Variants in PLCB1 observed in about 807,000 individuals in gnomAD.
PLCB1 encodes 1-phosphatidylinositol 4,5-bisphosphate phosphodiesterase beta-1.
A neutral mutation model predicts 161.8 loss-of-function variants in PLCB1; 46 were observed. That is an observed-to-expected ratio of 0.28 (90% CI 0.22 to 0.36). The LOEUF (loss-of-function observed/expected upper bound fraction) is 0.36. PLCB1 is among the 10% of genes least tolerant of loss of function. PLCB1 has a pLI of 1.00. For missense variants in PLCB1, 1,016 were observed against 1,472.5 expected (o/e 0.69, Z 5.07); for synonymous variants, 517 against 503.7 (o/e 1.03, Z -0.35).
intron 3 of PLCB1, among the ~76,000 whole-genome samples, chr20:8,614,860 T>C (rs1386798038): frequency 6.6e-6 from 1 of 152,094 alleles, no homozygotes. Context: ...GGAAAGATGT[T>C]CTCCACCATG....
intron 2 of PLCB1, among the ~76,000 whole-genome samples, chr20:8,196,288 C>G (rs2052023255): frequency 6.6e-6 from 1 of 152,074 alleles, no homozygotes; most frequent in Non-Finnish European, 1.5e-5. Context: ...TTTTGAAATA[C>G]CATTTGGCAG....
chr20:8,647,363 C>G (rs1320065811), intron 5 of PLCB1, among the ~76,000 whole-genome samples: 1 of 152,132 alleles, frequency 6.6e-6, no homozygotes, highest in Admixed American at 6.5e-5. Flanking sequence ...AGAAAGATGT[C>G]TCCCTATGAA....
At chr20:8,358,852 T>C (rs189577408) in intron 2 of PLCB1, among the ~76,000 whole-genome samples, 19 of 152,324 alleles carry the variant, frequency 1.2e-4, no homozygotes, top group African/African-American at 2.6e-4. Flanking sequence ...TCCTTTAACT[T>C]TTTTAAAGAT....
chr20:8,698,803 G>A lies in PLCB1; in HGVS notation c.1167+1020G>A, dbSNP rs531365150. The stretch of plus-strand genomic sequence containing the variant: ...AGGGTATCTTAGTAAATCCTATCTA[G>A]GAAGCAGGACTAAAGCTGTTACTGA... On this transcript the variant is annotated intron_variant, in intron 11 of 31. Transcript: ENST00000338037. Among the ~76,000 whole-genome samples the A allele has an allele frequency of 7.9e-5, 12 of 152,302 alleles. No individual in the cohort carries two copies. The South Asian group carries it at 2.5e-3, about 32-fold the overall frequency.
At chr20:8,442,588 TC>T (rs1322338703) in intron 3 of PLCB1, among the ~76,000 whole-genome samples, 4 of 152,048 alleles carry the variant, frequency 2.6e-5, no homozygotes, top group Non-Finnish European at 5.9e-5. Context: ...TCCCATTTTT[TC>T]TTAATTTAAA....
At chr20:8,262,193 T>A (rs1206126014) in intron 2 of PLCB1, among the ~76,000 whole-genome samples, 2 of 152,120 alleles carry the variant, frequency 1.3e-5, no homozygotes. Flanking sequence ...CTGTTTCTCC[T>A]GCCTCAGACT....
chr20:8,191,411 A>C (rs1466174302), intron 2 of PLCB1, among the ~76,000 whole-genome samples: 1 of 152,020 alleles, frequency 6.6e-6, no homozygotes, highest in Non-Finnish European at 1.5e-5. Context: ...CCAAGATATC[A>C]ATCCACTTAA....
intron 2 of PLCB1, among the ~76,000 whole-genome samples, chr20:8,222,789 A>G (rs1425606251): frequency 6.6e-6 from 1 of 152,136 alleles, no homozygotes; most frequent in Non-Finnish European, 1.5e-5. Flanking sequence ...AATCAGATGC[A>G]AATAAACTGG....
chr20:8,307,216 G>A (rs1394760831), intron 2 of PLCB1, among the ~76,000 whole-genome samples: 1 of 152,234 alleles, frequency 6.6e-6, no homozygotes, highest in Non-Finnish European at 1.5e-5. Flanking sequence ...GGGTGGGCAT[G>A]GGCACGTGTG....
Position 8,557,023 on chromosome 20 carries a change from A to AT in PLCB1, c.247-71271_247-71270insT, listed in dbSNP as rs1475724221. Among the ~76,000 whole-genome samples, 14 of 149,782 alleles carry AT rather than the reference A, an allele frequency of 9.3e-5. No individual in the cohort carries two copies. The East Asian group carries it at 2.3e-3, about 25-fold the overall frequency. ...ATAAATAAATAAATAAAATAAATAAAAAAAATAATAAAAATGGAAATAAAA... is the reference window on the plus strand; with the variant it reads ...ATAAATAAATAAATAAAATAAATAAATAAAAATAATAAAAATGGAAATAAAA... On this transcript the variant is annotated intron_variant, in intron 3 of 31. Coordinates refer to ENST00000338037, the MANE Select transcript of PLCB1 (RefSeq NM_015192.4).
chr20:8,166,229 T>A (rs1430268864), intron 2 of PLCB1, among the ~76,000 whole-genome samples: 2 of 152,154 alleles, frequency 1.3e-5, no homozygotes, highest in African/African-American at 4.8e-5. Flanking sequence ...TCAATACATA[T>A]CAACCTGGAT....
intron 31 of PLCB1, among the ~76,000 whole-genome samples, chr20:8,843,568 G>A (rs1269045404): frequency 4.6e-5 from 7 of 151,892 alleles, no homozygotes; most frequent in African/African-American, 7.3e-5. Context: ...TCATTTTTAC[G>A]TTGTAGGTAT....
chr20:8,384,098 T>G (rs1285634416), intron 3 of PLCB1, among the ~76,000 whole-genome samples: 1 of 152,190 alleles, frequency 6.6e-6, no homozygotes, highest in Non-Finnish European at 1.5e-5. Flanking sequence ...TTCTCCTGGA[T>G]GATATCCTGA....
intron 31 of PLCB1, among the ~76,000 whole-genome samples, chr20:8,826,589 C>A (rs1568614775): frequency 6.6e-6 from 1 of 151,972 alleles, no homozygotes; most frequent in Non-Finnish European, 1.5e-5. Context: ...CTAAACTCAG[C>A]ACTAGGATTG....
intron 23 of PLCB1, among the ~76,000 whole-genome samples, chr20:8,746,671 T>C (rs1222248245): frequency 6.6e-6 from 1 of 152,174 alleles, no homozygotes; most frequent in Non-Finnish European, 1.5e-5. Flanking sequence ...ATTCACTCAC[T>C]TAAGTCTTAA....
chr20:8,705,145 A>T (rs536665672), intron 11 of PLCB1, among the ~76,000 whole-genome samples: 2 of 152,188 alleles, frequency 1.3e-5, no homozygotes, highest in South Asian at 4.2e-4. Context: ...ATATCTGGGC[A>T]CCCCATGACC....
rs538152845 is a variant in PLCB1 at position 8,501,157 on chromosome 20, C to T, written c.247-127137C>T. Among the ~76,000 whole-genome samples, 5 of 152,310 alleles carry T rather than the reference C, an allele frequency of 3.3e-5. No individual in the cohort carries two copies. In the East Asian group the frequency reaches 9.7e-4, roughly 29 times the overall value. On this transcript the variant is annotated intron_variant, in intron 3 of 31. Transcript: ENST00000338037. ...AGACGAAACAGACAGAGGCTATGTT[C>T]CATTCAAGACCTGGAACAGATGATC... is the stretch of plus-strand genomic sequence containing the variant.
intron 2 of PLCB1, among the ~76,000 whole-genome samples, chr20:8,330,259 C>A (rs1353588819): frequency 6.6e-6 from 1 of 152,116 alleles, no homozygotes; most frequent in South Asian, 2.1e-4. Flanking sequence ...ATGTAGAGAG[C>A]AGATATTACT....
At chr20:8,610,802 AT>A (rs1437620318) in intron 3 of PLCB1, among the ~76,000 whole-genome samples, 1 of 152,112 alleles carries the variant, frequency 6.6e-6, no homozygotes. Context: ...TCAATGACTT[AT>A]ACCTAGGTTT....
Sources: allele counts gnomAD v4.1 joint callset (sites outside exome capture counted in the v4.1 genomes callset), GRCh38; gene constraint gnomAD v4.1.1; transcripts MANE v1.5; gene names NCBI Gene and HGNC (gene_info 2026-07-23, HGNC 2026-07-21).